CTNND1: variants seen among roughly 807,000 people sequenced by gnomAD.
CTNND1 encodes the protein catenin delta-1.
CTNND1 carries 16 observed loss-of-function variants against 112.1 expected under a neutral mutation model. The ratio of observed to expected loss-of-function variants is 0.14; its 90% confidence interval spans 0.10 to 0.22. The LOEUF is 0.22. CTNND1 is among the 10% of genes least tolerant of loss of function. CTNND1 has a pLI of 1.00. For synonymous variants in CTNND1, 420 were observed against 446.5 expected, an observed-to-expected ratio of 0.94 and a Z score of 0.75; for missense variants, 1,008 against 1,257.0, an observed-to-expected ratio of 0.80 and a Z score of 3.00.
chr11:57,802,373 C>T (rs1482338024), intron 7 of CTNND1, among the ~76,000 whole-genome samples, 177 bp downstream of exon 7: 4 of 152,208 alleles, frequency 2.6e-5, no homozygotes, highest in Non-Finnish European at 4.4e-5. Context: ...TTTTAAAGAA[C>T]TGGTTGCTGA....
chr11:57,769,308 C>T (rs1951967494), intron 1 of CTNND1, among the ~76,000 whole-genome samples: 1 of 150,938 alleles, frequency 6.6e-6, no homozygotes, highest in Non-Finnish European at 1.5e-5. Flanking sequence ...GGCGACAGGG[C>T]GAGACTCCGT....
intron 1 of CTNND1, among the ~76,000 whole-genome samples, chr11:57,775,731 G>A (rs1003191744): frequency 2.6e-5 from 4 of 152,082 alleles, no homozygotes; most frequent in African/African-American, 4.8e-5. Context: ...TGGCCAACTT[G>A]GAATATGGGT....
In CTNND1 at chr11:57,807,001, T is replaced by A. The variant is rs1443360969; in HGVS notation, c.1963+18T>A. ...AGCTCGAGGTAAGTTATCTTCTCAG[T>A]CTCCAAAGGTCTCATAAACATAGTA... is the stretch of plus-strand genomic sequence containing the variant. On this transcript the variant is annotated intron_variant, in intron 12 of 20. Transcript: ENST00000399050. 3 of 1,557,776 alleles carry A rather than the reference T, an allele frequency of 1.9e-6. No homozygotes were observed. The African/African-American group carries it at 4.1e-5, about 21-fold the overall frequency.
chr11:57,787,535 T>C (rs186350646), intron 1 of CTNND1, among the ~76,000 whole-genome samples: 2 of 152,334 alleles, frequency 1.3e-5, no homozygotes, highest in East Asian at 3.9e-4. Context: ...CGGGCTAATT[T>C]CCTAACTCCT....
chr11:57,766,115 T>TA (rs777917682), intron 1 of CTNND1, among the ~76,000 whole-genome samples: 1 of 151,932 alleles, frequency 6.6e-6, no homozygotes, highest in African/African-American at 2.4e-5. Context: ...AAAATAATAA[T>TA]AATAAATAAA....
At chr11:57,784,678 G>GT (rs2059950402) in intron 1 of CTNND1, among the ~76,000 whole-genome samples, 1 of 151,932 alleles carries the variant, frequency 6.6e-6, no homozygotes, top group Non-Finnish European at 1.5e-5. Context: ...TAATTTTTTT[G>GT]TATTTTAAGT....
chr11:57,790,722 C>T (rs1333347957), intron 2 of CTNND1, among the ~76,000 whole-genome samples: 1 of 136,866 alleles, frequency 7.3e-6, no homozygotes, highest in Non-Finnish European at 1.6e-5. Flanking sequence ...CACGCCCGGC[C>T]TTTTTTTGTA....
In CTNND1 at chr11:57,773,453, T is replaced by G. The variant is rs1024307539; in HGVS notation, c.-214+11334T>G. On this transcript the variant is annotated intron_variant, in intron 1 of 20. Coordinates refer to ENST00000399050, the MANE Select transcript of CTNND1 (RefSeq NM_001085458.2). Reference sequence around the variant, plus strand: ...CAGCCTGAGAGTACCTGAGATTATGTTTTTTTTTTTTTTTGAGACGGAGTT... The same window carrying G: ...CAGCCTGAGAGTACCTGAGATTATGGTTTTTTTTTTTTTTGAGACGGAGTT... Among the ~76,000 whole-genome samples the G allele has an allele frequency of 4.6e-4, 63 of 138,298 alleles. 1 individual carries two copies. In the Middle Eastern group the frequency reaches 0.015, roughly 33 times the overall value. The allele number at this position is 138,298 out of a possible 152,430, so 90.7% of individuals were successfully genotyped here.
intron 17 of CTNND1, 55 bp from the exon 18 acceptor site, chr11:57,814,256 T>C (rs995806864): frequency 1.2e-5 from 15 of 1,298,522 alleles, no homozygotes; most frequent in Non-Finnish European, 1.5e-5. Flanking sequence ...TTTCATGATG[T>C]GTACAGATTT....
intron 1 of CTNND1, among the ~76,000 whole-genome samples, chr11:57,781,397 C>T (rs1399931361): frequency 2.6e-5 from 4 of 152,084 alleles, no homozygotes; most frequent in Non-Finnish European, 5.9e-5. Context: ...TCTTTTATGA[C>T]ATGAGACCTA....
intron 1 of CTNND1, among the ~76,000 whole-genome samples, chr11:57,769,720 C>A (rs539317194): frequency 2.0e-5 from 3 of 151,990 alleles, no homozygotes; most frequent in South Asian, 2.1e-4. Context: ...AACATAAAGA[C>A]GTATTTCTGT....
chr11:57,815,274 G>A, intron 18 of CTNND1, 120 bp from the exon 19 acceptor site: 1 of 610,060 alleles, frequency 1.6e-6, no homozygotes, highest in East Asian at 2.9e-5. Context: ...TAATGCCTTT[G>A]TGGAGCATTT....
intron 1 of CTNND1, among the ~76,000 whole-genome samples, chr11:57,770,405 A>AGCCGAGGCAGCCGAG (rs1303734079): frequency 6.6e-6 from 1 of 152,094 alleles, no homozygotes; most frequent in Admixed American, 6.5e-5. Context: ...CTGTAATCCT[A>AGCCGAGGCAGCCGAG]GCACTTTGGG....
chr11:57,786,152 T>C (rs1565310457), intron 1 of CTNND1, among the ~76,000 whole-genome samples: 3 of 151,960 alleles, frequency 2.0e-5, no homozygotes, highest in African/African-American at 7.2e-5. Flanking sequence ...AAGTTTCACT[T>C]TATGTTTCCT....
intron 3 of CTNND1, 98 bp from the exon 4 acceptor site, chr11:57,793,912 T>C: frequency 1.7e-6 from 2 of 1,200,630 alleles, no homozygotes; most frequent in African/African-American, 3.0e-5. Flanking sequence ...ACATATCTTC[T>C]TGAAAGCCCT....
At chr11:57,808,323 G>A (rs779948685) in intron 13 of CTNND1, 31 bp downstream of exon 13, 46 of 1,600,392 alleles carry the variant, frequency 2.9e-5, no homozygotes, top group Admixed American at 2.0e-4. Context: ...TTGGAGATGG[G>A]AAAACTTAGA....
At chr11:57,810,340 T>A in intron 16 of CTNND1, 117 bp downstream of exon 16, 2 of 684,558 alleles carry the variant, frequency 2.9e-6, no homozygotes, top group Non-Finnish European at 4.5e-6. Context: ...TTTTTTTTTC[T>A]TTTTCGGAGA....
chr11:57,794,090 T>G lies in CTNND1; in HGVS notation c.267+9T>G, dbSNP rs370894288. 1 of 1,613,350 alleles carries G rather than the reference T, an allele frequency of 6.2e-7. No homozygotes were observed. The highest frequency in any genetic ancestry group is 8.5e-7 in the Non-Finnish European group (1 of 1,179,298). On this transcript the variant is annotated intron_variant, in intron 4 of 20. Coordinates refer to ENST00000399050, the MANE Select transcript of CTNND1 (RefSeq NM_001085458.2). ...AACTCAACGGACCCCAGGTAATTCTTTGGCTCAAGACCTGGGTTGCTTCAT... is the reference window on the plus strand; with the variant it reads ...AACTCAACGGACCCCAGGTAATTCTGTGGCTCAAGACCTGGGTTGCTTCAT...
At chr11:57,799,690 A>G (rs540561036) in intron 6 of CTNND1, among the ~76,000 whole-genome samples, 10 of 152,320 alleles carry the variant, frequency 6.6e-5, no homozygotes, top group South Asian at 2.1e-4. Context: ...CTTTGTATAG[A>G]AAAGGATATA....
Sources: allele counts gnomAD v4.1 joint callset (sites outside exome capture counted in the v4.1 genomes callset), GRCh38; gene constraint gnomAD v4.1.1; transcripts MANE v1.5; gene names NCBI Gene and HGNC (gene_info 2026-07-23, HGNC 2026-07-21).